The following BANP variants were observed in gnomAD, a reference collection of about 807,000 sequenced individuals.
BANP encodes the protein protein BANP.
BANP carries 11 observed loss-of-function variants against 68.1 expected under a neutral mutation model. The ratio of observed to expected loss-of-function variants is 0.16; its 90% CI spans 0.10 to 0.27. The LOEUF is 0.27. Among genes scored for constraint, BANP ranks in the 10% least tolerant of loss-of-function variants. The probability of loss-of-function intolerance (pLI) is 1.00; values close to 1 mark genes in which losing one functional copy is unlikely to be tolerated. For missense variants in BANP, 504 were observed against 722.7 expected, an observed-to-expected ratio of 0.70 and a Z score of 3.47; for synonymous variants, 329 against 303.2, an observed-to-expected ratio of 1.09 and a Z score of -0.88.
intron 11 of BANP, among the ~76,000 whole-genome samples, chr16:88,052,872 TACC>T (rs201327412): frequency 0.02 from 2,930 of 149,458 alleles, 93 homozygotes; most frequent in African/African-American, 0.068. Context: ...TAACAATCAC[TACC>T]ACCACCACCT....
chr16:88,072,244 A>T, intron 13 of BANP, 32 bp downstream of exon 13: 1 of 1,581,168 alleles, frequency 6.3e-7, no homozygotes. Flanking sequence ...GGGACACTGA[A>T]GTGATGGCAT....
At chr16:87,995,118 G>A (rs994654223) in intron 4 of BANP, among the ~76,000 whole-genome samples, 5 of 152,212 alleles carry the variant, frequency 3.3e-5, no homozygotes, top group African/African-American at 9.6e-5. Context: ...AGTGACACAC[G>A]TCTCACCTGT....
intron 3 of BANP, 35 bp from the exon 4 acceptor site, chr16:87,984,025 G>T (rs1349365816): frequency 1.2e-6 from 2 of 1,609,022 alleles, no homozygotes; most frequent in South Asian, 1.1e-5. Flanking sequence ...CAGTTCAGGA[G>T]ACCCTTCCTA....
At chr16:87,984,717 G>A (rs538052837) in intron 4 of BANP, among the ~76,000 whole-genome samples, 5 of 152,316 alleles carry the variant, frequency 3.3e-5, no homozygotes, top group Admixed American at 2.6e-4. Flanking sequence ...TTAGAAAGCT[G>A]TGTGGTAGTT....
intron 6 of BANP, among the ~76,000 whole-genome samples, chr16:88,007,541 G>C (rs1429847675): frequency 6.6e-6 from 1 of 152,248 alleles, no homozygotes; most frequent in Non-Finnish European, 1.5e-5. Flanking sequence ...ATGACTGTCA[G>C]TGACTACAGC....
intron 11 of BANP, among the ~76,000 whole-genome samples, chr16:88,043,211 G>C (rs1306470025): frequency 1.3e-5 from 2 of 152,166 alleles, no homozygotes; most frequent in Non-Finnish European, 2.9e-5. Flanking sequence ...CACTGCTGTT[G>C]GAGTTGAAAT....
At chr16:87,995,229 C>T (rs1055069653) in intron 4 of BANP, among the ~76,000 whole-genome samples, 10 of 152,362 alleles carry the variant, frequency 6.6e-5, no homozygotes, top group East Asian at 1.9e-4. Context: ...CAGCCCCTGA[C>T]GGCCAGGGAA....
At position 88,036,265 on chromosome 16, in the gene BANP, C is replaced by T. The variant is rs1297311053; in HGVS notation, c.1272+871C>T. ...TTGTGTTTGGTGCATAGTAGTGTGT[C>T]GCTGCAAAGATCTCAGGCTTCCCCA... On this transcript the variant is annotated intron_variant, in intron 10 of 13. Transcript: ENST00000682872. The surrounding 1 kb of genome is among the most constrained non-coding windows in gnomAD (Gnocchi z 4.2). Among the ~76,000 whole-genome samples, 6 of 152,142 alleles carry T rather than the reference C, an allele frequency of 3.9e-5. No homozygotes were observed. In the South Asian group the frequency reaches 8.3e-4, roughly 21 times the overall value.
chr16:88,001,388 A>G (rs1189710532), intron 4 of BANP, among the ~76,000 whole-genome samples: 1 of 152,206 alleles, frequency 6.6e-6, no homozygotes, highest in Non-Finnish European at 1.5e-5. Context: ...GTCCTTCCAG[A>G]CACATCTCCA....
chr16:87,955,684 C>T (rs1374185799), intron 1 of BANP, among the ~76,000 whole-genome samples: 1 of 152,038 alleles, frequency 6.6e-6, no homozygotes, highest in African/African-American at 2.4e-5. Flanking sequence ...AGATACACGT[C>T]ACAAAGGGAA....
intron 13 of BANP, among the ~76,000 whole-genome samples, chr16:88,072,502 C>A (rs2090597510): frequency 6.6e-6 from 1 of 152,238 alleles, no homozygotes; most frequent in South Asian, 2.1e-4. Context: ...CCTCCCTCCA[C>A]ACAGCCCTTT....
In BANP at chr16:88,036,718, C is replaced by A. The variant is rs1284106223; in HGVS notation, c.1273-1255C>A. ...CATCCACACAGCGACATGACCAGGT[C>A]ACTAAGAAACGTGGTCAGATGGATG... On this transcript the variant is annotated intron_variant, in intron 10 of 13. Coordinates refer to ENST00000682872, the MANE Select transcript of BANP (RefSeq NM_001386991.1). This position sits in a 1 kb window ranked among gnomAD's most constrained non-coding sequence, Gnocchi z 4.2. 1.3e-5 allele frequency among the ~76,000 whole-genome samples: 2 copies of A among 152,114 alleles called. No homozygotes were observed. Among genetic ancestry groups the A allele is most frequent in the African/African-American group, 4.8e-5 (2 of 41,398 alleles).
At chr16:87,951,900 G>T (rs371450744) in intron 1 of BANP, among the ~76,000 whole-genome samples, 164 of 152,274 alleles carry the variant, frequency 1.1e-3, no homozygotes, top group African/African-American at 3.8e-3. Flanking sequence ...GGGCTCCTCT[G>T]GGGCCCGAAG....
chr16:87,968,776 G>T (rs559442274), intron 1 of BANP, among the ~76,000 whole-genome samples: 30 of 152,216 alleles, frequency 2.0e-4, no homozygotes, highest in African/African-American at 7.2e-4. Context: ...ACCAGTGTTT[G>T]AAGAACATGA....
intron 12 of BANP, among the ~76,000 whole-genome samples, chr16:88,066,003 C>T (rs945497246): frequency 5.9e-5 from 9 of 152,180 alleles, no homozygotes; most frequent in Non-Finnish European, 1.3e-4. Flanking sequence ...AGGGTGTGCA[C>T]CTGCGCCTGT....
intron 6 of BANP, among the ~76,000 whole-genome samples, chr16:88,013,204 G>A (rs1194487743): frequency 1.3e-5 from 2 of 152,234 alleles, no homozygotes; most frequent in Non-Finnish European, 2.9e-5. Flanking sequence ...CTCGATCAGG[G>A]TCATTCACTT....
In BANP at chr16:87,957,837, G is replaced by A. The variant is rs1208239736; in HGVS notation, c.-69+6322G>A. ...ACGGTCCCTGCTGTCATCATGGCAT[G>A]CTGCAAGCTCTGTGGGCGCTGGTGG... On this transcript the variant is annotated intron_variant, in intron 1 of 13. Transcript: ENST00000682872. The surrounding 1 kb of genome is among the most constrained non-coding windows in gnomAD (Gnocchi z 4.3). Among the ~76,000 whole-genome samples the A allele has an allele frequency of 6.6e-6, 1 of 152,154 alleles. No individual in the cohort carries two copies. The highest frequency in any genetic ancestry group is 1.5e-5 in the Non-Finnish European group (1 of 68,036).
At chr16:87,951,262 C>T (rs897347715), upstream of BANP, among the ~76,000 whole-genome samples, 1 of 152,206 alleles carries the variant, frequency 6.6e-6, no homozygotes, top group African/African-American at 2.4e-5. Flanking sequence ...GAAGCCGGTA[C>T]CGTCGCGGAA....
rs1292470068 is a variant in BANP, at chr16:87,981,019, T to A, written c.71-17T>A. The A allele has an allele frequency of 1.3e-6, 2 of 1,583,334 alleles. No individual in the cohort carries two copies. Among genetic ancestry groups the A allele is most frequent in the Admixed American group, 3.3e-5 (2 of 59,964 alleles). On this transcript the variant is annotated splice_polypyrimidine_tract_variant and intron_variant, in intron 2 of 13. Transcript: ENST00000682872. ...CTTTTCATGTTAAACATTTTTTTTC[T>A]CTGTCACTGATTTCAGTTGTTTTGG...
Sources: allele counts gnomAD v4.1 joint callset (sites outside exome capture counted in the v4.1 genomes callset), GRCh38; gene constraint gnomAD v4.1.1; non-coding constraint Gnocchi (gnomAD v3.1); transcripts MANE v1.5; gene names NCBI Gene and HGNC (gene_info 2026-07-23, HGNC 2026-07-21).